SVEP1: variants seen among roughly 807,000 people sequenced by gnomAD.
SVEP1 encodes the protein sushi, von Willebrand factor type A, EGF and pentraxin domain containing 1.
In SVEP1, 164 loss-of-function variants were observed where a neutral mutation model predicts 367.3. The observed-to-expected ratio is 0.45, with a 90% confidence interval of 0.39 to 0.51. The LOEUF (loss-of-function observed/expected upper bound fraction) is 0.51, where lower values mean the gene tolerates loss of function less well. Ranked by LOEUF, SVEP1 falls within the 20% of genes least tolerant of loss-of-function variation. The pLI is 0.00. For synonymous variants in SVEP1, 1,666 were observed against 1,611.6 expected (o/e 1.03, Z -0.81); for missense variants, 4,117 against 4,425.3 (o/e 0.93, Z 1.98).
intron 37 of SVEP1, among the ~76,000 whole-genome samples, chr9:110,410,526 A>C (rs1031595488): frequency 2.0e-5 from 3 of 152,174 alleles, no homozygotes; most frequent in Non-Finnish European, 4.4e-5. Flanking sequence ...CATCCTGAAA[A>C]ACCTCTGTAA....
chr9:110,530,965 C>A (rs983726128), intron 3 of SVEP1, among the ~76,000 whole-genome samples: 15 of 152,074 alleles, frequency 9.9e-5, no homozygotes, highest in Admixed American at 5.3e-4. Context: ...GGAACTTTAT[C>A]ACATTTTAAA....
In SVEP1 at chr9:110,404,541, C is replaced by A; in HGVS notation, c.9452G>T (p.Gly3151Val). 3 of 1,613,940 alleles carry A rather than the reference C, an allele frequency of 1.9e-6. No individual in the cohort carries two copies. Among genetic ancestry groups the A allele is most frequent in the South Asian group, 1.1e-5 (1 of 91,086 alleles). Residue 3151 changes from glycine to valine, a missense_variant, in exon 39 of 48, where the codon GGT (glycine) becomes GTT (valine). This residue lies in a region of SVEP1 where 1,765 missense variants were observed against 1,781.1 expected (regional missense o/e 0.99). Coordinates refer to ENST00000374469, the MANE Select transcript of SVEP1 (RefSeq NM_153366.4). Reference sequence around the variant, plus strand: ...ATCTGTATCTGTATCCATCGTATAACCTTCCAGACATCTGCAATGGAAATG... The same window carrying A: ...ATCTGTATCTGTATCCATCGTATAAACTTCCAGACATCTGCAATGGAAATG... ...ESEVKLRCLEGYTMDTDTDTF... is the reference protein window; with the variant it reads ...ESEVKLRCLEVYTMDTDTDTF...
chr9:110,507,379 G>C (rs1829641332), intron 5 of SVEP1, among the ~76,000 whole-genome samples: 1 of 152,178 alleles, frequency 6.6e-6, no homozygotes, highest in Non-Finnish European at 1.5e-5. Context: ...GGGGCAAAAT[G>C]TTCAAGTGCA....
chr9:110,375,542 G>T lies in SVEP1; in HGVS notation c.10505-79C>A, dbSNP rs1451479115. ...TGATCAAAGTACACATCTTAGATAG[G>T]TTCAAGGGTTCAGAAAACATTTTGC... On this transcript the variant is annotated intron_variant, in intron 45 of 47. Coordinates refer to ENST00000374469, the MANE Select transcript of SVEP1 (RefSeq NM_153366.4). The T allele has an allele frequency of 3.7e-5, 47 of 1,274,380 alleles. No homozygotes were observed. In the South Asian group the frequency reaches 6.6e-4, roughly 18 times the overall value. The allele number at this position is 1,274,380 out of a possible 1,614,324, so 78.9% of individuals were successfully genotyped here. A position where few individuals can be genotyped will look rare whatever the true frequency, so the allele number is the denominator to read the frequency against.
At chr9:110,372,702 A>C (rs1827296828) in intron 46 of SVEP1, among the ~76,000 whole-genome samples, 1 of 151,960 alleles carries the variant, frequency 6.6e-6, no homozygotes, top group Non-Finnish European at 1.5e-5. Context: ...GGAAAGAGGA[A>C]GATCATTGCA....
intron 41 of SVEP1, 57 bp downstream of exon 41, chr9:110,389,467 C>G: frequency 1.9e-6 from 3 of 1,589,826 alleles, no homozygotes; most frequent in Non-Finnish European, 1.7e-6. Context: ...TGTAGCCACA[C>G]TGTTATTTTG....
At chr9:110,400,635 C>T (rs573282310) in intron 40 of SVEP1, among the ~76,000 whole-genome samples, 17 of 152,046 alleles carry the variant, frequency 1.1e-4, no homozygotes, top group South Asian at 2.1e-4. Context: ...CCAAAGTGCT[C>T]GGATTACAGG....
At chr9:110,523,613 T>C (rs1210130772) in intron 3 of SVEP1, among the ~76,000 whole-genome samples, 1 of 152,100 alleles carries the variant, frequency 6.6e-6, no homozygotes, top group African/African-American at 2.4e-5. Context: ...CACTTAAACA[T>C]AATATAGGCA....
rs1392856420 is a variant in SVEP1 at position 110,375,441 on chromosome 9, C to T, written c.10527G>A (p.Leu3509=). Reference sequence around the variant, plus strand: ...AAGGGGCCACACAGCGACCTCCGTTCAGACAGGGAAGAATGCAGATTGCTA... The same window carrying T: ...AAGGGGCCACACAGCGACCTCCGTTTAGACAGGGAAGAATGCAGATTGCTA... ...CEEPICILPC[L]NGGRCVAPYQ... The change falls in exon 46 of 48, where the codon CTG becomes CTA. Residue 3509 remains leucine (L), a synonymous_variant. Coordinates refer to ENST00000374469, the MANE Select transcript of SVEP1 (RefSeq NM_153366.4). The T allele has an allele frequency of 2.3e-6, 2 of 886,708 alleles. No individual in the cohort carries two copies. The highest frequency in any genetic ancestry group is 7.4e-5 in the East Asian group (2 of 27,072). 54.9% of individuals were successfully genotyped at this position (886,708 alleles called of 1,614,324 possible). A position where few individuals can be genotyped will look rare whatever the true frequency, so the allele number is the denominator to read the frequency against.
At chr9:110,524,089 A>G (rs746813720) in intron 3 of SVEP1, among the ~76,000 whole-genome samples, 3 of 152,108 alleles carry the variant, frequency 2.0e-5, no homozygotes, top group Non-Finnish European at 4.4e-5. Context: ...ATTATAAACT[A>G]TGATAATTCA....
intron 21 of SVEP1, among the ~76,000 whole-genome samples, chr9:110,457,040 T>G (rs983953320): frequency 6.6e-6 from 1 of 152,168 alleles, no homozygotes; most frequent in Non-Finnish European, 1.5e-5. Flanking sequence ...GGAAGATGAG[T>G]CTTTATTCTT....
chr9:110,529,435 T>C (rs1417980976), intron 3 of SVEP1, among the ~76,000 whole-genome samples: 1 of 152,194 alleles, frequency 6.6e-6, no homozygotes, highest in East Asian at 1.9e-4. Context: ...GCATTGAATC[T>C]GTACATTACA....
Position 110,390,267 on chromosome 9 carries a change from A to ACT in SVEP1, c.9823-681_9823-680insAG, listed in dbSNP as rs1827624667. Among the ~76,000 whole-genome samples, 5 of 112,490 alleles carry ACT rather than the reference A, an allele frequency of 4.4e-5. 1 individual carries two copies. Among genetic ancestry groups the ACT allele is most frequent in the African/African-American group, 6.5e-5 (2 of 31,006 alleles). 73.8% of individuals were successfully genotyped at this position (112,490 alleles called of 152,430 possible). ...TATATATACTTATATAAGTATGTAT[A>ACT]TATATACTTATATATATACATACTT... On this transcript the variant is annotated intron_variant, in intron 40 of 47. Transcript: ENST00000374469.
chr9:110,509,141 T>G (rs1030072167), intron 5 of SVEP1, among the ~76,000 whole-genome samples: 1 of 152,326 alleles, frequency 6.6e-6, no homozygotes, highest in East Asian at 1.9e-4. Context: ...AACATTATTT[T>G]ATGTGCCACT....
chr9:110,479,333 A>G (rs1359012437), intron 13 of SVEP1, among the ~76,000 whole-genome samples: 1 of 152,218 alleles, frequency 6.6e-6, no homozygotes, highest in African/African-American at 2.4e-5. Flanking sequence ...TAAACAAAAT[A>G]CCACCTACAA....
intron 40 of SVEP1, among the ~76,000 whole-genome samples, chr9:110,398,888 C>T (rs1827812205): frequency 6.6e-6 from 1 of 152,234 alleles, no homozygotes; most frequent in Non-Finnish European, 1.5e-5. Context: ...CACTTTTACA[C>T]TGTTGGTGAG....
chr9:110,521,068 T>G (rs1829869861), intron 3 of SVEP1, among the ~76,000 whole-genome samples: 1 of 152,184 alleles, frequency 6.6e-6, no homozygotes, highest in Non-Finnish European at 1.5e-5. Context: ...CAAAGAGTTG[T>G]GCTAAGATTT....
chr9:110,382,070 C>T (rs904302149), intron 43 of SVEP1, among the ~76,000 whole-genome samples: 3 of 151,756 alleles, frequency 2.0e-5, no homozygotes, highest in Non-Finnish European at 2.9e-5. Context: ...GCATTTAGCT[C>T]ATTTACATTT....
chr9:110,562,366 C>A (rs1588109921), intron 1 of SVEP1, among the ~76,000 whole-genome samples: 1 of 152,004 alleles, frequency 6.6e-6, no homozygotes, highest in East Asian at 1.9e-4. Context: ...TTATGAGTAA[C>A]TCTATCATTT....
Sources: gnomAD v4.1 joint callset for allele counts (sites outside exome capture counted in the v4.1 genomes callset) on GRCh38, gnomAD v4.1.1 for gene constraint, gnomAD v4.1.1 regional missense constraint, MANE v1.5 for transcripts, NCBI Gene and HGNC (gene_info 2026-07-23, HGNC 2026-07-21) for gene names.